IPO11: variants seen among roughly 807,000 people sequenced by gnomAD.
IPO11 encodes the protein importin 11.
IPO11 carries 66 observed loss-of-function variants against 143.2 expected under a neutral mutation model. That is an observed-to-expected ratio of 0.46 (90% confidence interval 0.38 to 0.57). The LOEUF is 0.57. Among genes scored for constraint, IPO11 ranks in the 20% least tolerant of loss-of-function variants. IPO11 has a pLI of 0.00. For synonymous variants in IPO11, 385 were observed against 377.8 expected, an observed-to-expected ratio of 1.02 and a Z score of -0.22; for missense variants, 1,026 against 1,141.0, an observed-to-expected ratio of 0.90 and a Z score of 1.45.
chr5:62,487,053 G>A (rs1406240687), intron 12 of IPO11, among the ~76,000 whole-genome samples: 1 of 151,928 alleles, frequency 6.6e-6, no homozygotes, highest in African/African-American at 2.4e-5. Context: ...AAAATTTTTT[G>A]TGGGTACATA....
chr5:62,590,528 A>T (rs968714315), intron 27 of IPO11, among the ~76,000 whole-genome samples: 1 of 152,192 alleles, frequency 6.6e-6, no homozygotes, highest in African/African-American at 2.4e-5. Context: ...TAGCGTAATT[A>T]TGGTCTGGTT....
chr5:62,618,180 G>T (rs1049884254), intron 29 of IPO11, among the ~76,000 whole-genome samples: 14 of 152,048 alleles, frequency 9.2e-5, no homozygotes, highest in Non-Finnish European at 1.9e-4. Context: ...GTAAAACCAG[G>T]TATTACACAA....
chr5:62,436,716 A>G (rs550514648), intron 1 of IPO11, among the ~76,000 whole-genome samples: 5 of 152,194 alleles, frequency 3.3e-5, no homozygotes, highest in Non-Finnish European at 7.4e-5. Flanking sequence ...TCCCCATAGC[A>G]TTTCATTTTG....
Position 62,566,560 on chromosome 5 carries a change from C to T in IPO11, c.2582+5303C>T, listed in dbSNP as rs541139829. On this transcript the variant is annotated intron_variant, in intron 27 of 29. Coordinates refer to ENST00000325324, the MANE Select transcript of IPO11 (RefSeq NM_016338.5). ...CCAACCCGGGCAACACGGCAAAACCCCATCTCTACTAAAAAACAATACAGA... is the reference window on the plus strand; with the variant it reads ...CCAACCCGGGCAACACGGCAAAACCTCATCTCTACTAAAAAACAATACAGA... Among the ~76,000 whole-genome samples the T allele has an allele frequency of 5.9e-5, 9 of 151,722 alleles. 1 individual carries two copies. The South Asian group carries it at 1.7e-3, about 28-fold the overall frequency.
intron 9 of IPO11, among the ~76,000 whole-genome samples, chr5:62,481,212 C>G (rs1746198632): frequency 6.6e-6 from 1 of 152,174 alleles, no homozygotes; most frequent in Non-Finnish European, 1.5e-5. Flanking sequence ...GCCACCGCGC[C>G]TGGCCGACTT....
chr5:62,504,646 T>C lies in IPO11; in HGVS notation c.1591-21T>C, dbSNP rs189098915. On this transcript the variant is annotated intron_variant, in intron 16 of 29. Transcript: ENST00000325324. ...TAGTCATTCTAAAATAATTAAAAAC[T>C]AATGATATACTTTCTTTTAGGTCCG... 4.4e-4 allele frequency: 599 copies of C among 1,373,536 alleles called. No homozygotes were observed. The African/African-American group carries it at 7.9e-3, about 18-fold the overall frequency. The allele number at this position is 1,373,536 out of a possible 1,614,324, so 85.1% of individuals were successfully genotyped here. A position where few individuals can be genotyped will look rare whatever the true frequency, so the allele number is the denominator to read the frequency against.
intron 23 of IPO11, 38 bp downstream of exon 23, chr5:62,536,819 A>AATT (rs774462483): frequency 7.0e-7 from 1 of 1,425,012 alleles, no homozygotes; most frequent in East Asian, 2.8e-5. Context: ...GAAATTATAT[A>AATT]ATTATTATTT....
chr5:62,518,018 G>T (rs1396282062), intron 20 of IPO11, among the ~76,000 whole-genome samples: 4 of 151,774 alleles, frequency 2.6e-5, no homozygotes, highest in Non-Finnish European at 1.5e-5. Flanking sequence ...AAAGTTTATT[G>T]GTTGGCCAGG....
At position 62,561,227 on chromosome 5, in the gene IPO11, C is replaced by T; in HGVS notation, c.2552C>T (p.Ala851Val). The T allele has an allele frequency of 2.5e-6, 4 of 1,608,602 alleles. No individual in the cohort carries two copies. The South Asian group carries it at 3.3e-5, about 13-fold the overall frequency. ...QPERRKLSAL[A>V]LLSLLPSDNS... ...GAAAGAAGAAAACTTTCAGCTTTGG[C>T]TTTGCTCTCTCTTCTGCCATCTGAT... is the stretch of plus-strand genomic sequence containing the variant. The change falls in exon 27 of 30, where the codon GCT becomes GTT. Residue 851 changes from alanine (A) to valine (V), a missense_variant. Physicochemically the swap from Ala to Val is moderately conservative, Grantham distance 64 (BLOSUM62 0). Coordinates refer to ENST00000325324, the MANE Select transcript of IPO11 (RefSeq NM_016338.5).
At chr5:62,558,685 A>G (rs1181388261) in intron 26 of IPO11, among the ~76,000 whole-genome samples, 1 of 152,242 alleles carries the variant, frequency 6.6e-6, no homozygotes, top group Non-Finnish European at 1.5e-5. Flanking sequence ...TTAACTATCA[A>G]AATGAACAAA....
intron 23 of IPO11, 81 bp downstream of exon 23, chr5:62,536,862 C>G (rs1473777861): frequency 7.7e-7 from 1 of 1,297,864 alleles, no homozygotes; most frequent in Non-Finnish European, 1.0e-6. Flanking sequence ...GGTACGTTTT[C>G]AAAATTTTAA....
chr5:62,506,668 A>G (rs1229712061), intron 19 of IPO11, among the ~76,000 whole-genome samples: 1 of 152,184 alleles, frequency 6.6e-6, no homozygotes, highest in Non-Finnish European at 1.5e-5. Flanking sequence ...ACAAGTGTCC[A>G]TCAGCAAGAC....
rs1217806725 is a variant in IPO11 at position 62,451,591 on chromosome 5, TG to T, written c.313-138del. The stretch of plus-strand genomic sequence containing the variant: ...TACCAGGGGTCCATGGGCCACACTT[TG>T]AGAACCACTGTTTAAGCAGTCATTC... On this transcript the variant is annotated intron_variant, in intron 4 of 29. Coordinates refer to ENST00000325324, the MANE Select transcript of IPO11 (RefSeq NM_016338.5). The T allele has an allele frequency of 1.2e-5, 9 of 722,712 alleles. 1 individual carries two copies. The South Asian group carries it at 1.4e-4, about 12-fold the overall frequency. 44.8% of individuals were successfully genotyped at this position (722,712 alleles called of 1,614,324 possible).
chr5:62,547,287 G>A (rs1743236764), intron 24 of IPO11, among the ~76,000 whole-genome samples: 1 of 152,046 alleles, frequency 6.6e-6, no homozygotes, highest in Non-Finnish European at 1.5e-5. Context: ...ATAGGACCTG[G>A]CATTTTTCAC....
At chr5:62,553,746 G>A (rs1178170398) in intron 26 of IPO11, among the ~76,000 whole-genome samples, 1 of 151,526 alleles carries the variant, frequency 6.6e-6, no homozygotes, top group Non-Finnish European at 1.5e-5. Context: ...GACTAGTGAT[G>A]TTGACCTTTT....
At chr5:62,600,169 A>T (rs987152436) in intron 28 of IPO11, among the ~76,000 whole-genome samples, 7 of 152,154 alleles carry the variant, frequency 4.6e-5, no homozygotes, top group African/African-American at 1.4e-4. Context: ...CCTGCCAAGT[A>T]GCTGAGATTA....
At chr5:62,415,317 C>T (rs1335342176) in intron 1 of IPO11, among the ~76,000 whole-genome samples, 2 of 151,786 alleles carry the variant, frequency 1.3e-5, no homozygotes, top group African/African-American at 4.8e-5. Flanking sequence ...GTGCCTGCCA[C>T]CAAGCCTGGC....
At chr5:62,563,424 A>G (rs1204407221) in intron 27 of IPO11, among the ~76,000 whole-genome samples, 3 of 152,206 alleles carry the variant, frequency 2.0e-5, no homozygotes, top group African/African-American at 7.2e-5. Context: ...TGTATCAGAA[A>G]AATTTGTTTT....
intron 5 of IPO11, among the ~76,000 whole-genome samples, chr5:62,461,564 G>C (rs913264236): frequency 2.0e-5 from 3 of 152,216 alleles, no homozygotes; most frequent in African/African-American, 7.2e-5. Flanking sequence ...CCAGCCATTT[G>C]TGTAGAGACC....
Sources: gnomAD v4.1 joint callset for allele counts (sites outside exome capture counted in the v4.1 genomes callset) on GRCh38, gnomAD v4.1.1 for gene constraint, MANE v1.5 for transcripts, NCBI Gene and HGNC (gene_info 2026-07-23, HGNC 2026-07-21) for gene names.